The following TRAPPC9 variants were observed in gnomAD, a reference collection of about 807,000 sequenced individuals.
TRAPPC9 encodes trafficking protein particle complex subunit 9.
A neutral mutation model predicts 124.0 loss-of-function variants in TRAPPC9; 83 were observed. The observed-to-expected ratio is 0.67, with a 90% CI of 0.56 to 0.80. The LOEUF (loss-of-function observed/expected upper bound fraction) is 0.80, where lower values mean the gene tolerates loss of function less well. TRAPPC9 is among the 30% of genes least tolerant of loss of function. The pLI is 0.00. For synonymous variants in TRAPPC9, 638 were observed against 617.5 expected, an observed-to-expected ratio of 1.03 and a Z score of -0.49; for missense variants, 1,302 against 1,508.3, an observed-to-expected ratio of 0.86 and a Z score of 2.27.
At chr8:140,370,893 C>T in intron 8 of TRAPPC9, 71 bp downstream of exon 8, 1 of 1,557,858 alleles carries the variant, frequency 6.4e-7, no homozygotes, top group South Asian at 1.1e-5. Context: ...CCACTCAGGG[C>T]AGGGGCTGAA....
chr8:140,248,064 A>T (rs1364585050), intron 16 of TRAPPC9, among the ~76,000 whole-genome samples: 1 of 152,062 alleles, frequency 6.6e-6, no homozygotes, highest in Non-Finnish European at 1.5e-5. Flanking sequence ...TTTGGCCATG[A>T]TCCTTTTCTG....
chr8:140,402,506 C>A (rs2069313523), intron 6 of TRAPPC9, among the ~76,000 whole-genome samples: 2 of 151,704 alleles, frequency 1.3e-5, no homozygotes, highest in Non-Finnish European at 2.9e-5. Context: ...CAAGCCTGGG[C>A]AACATGGTAA....
At chr8:140,315,616 T>C (rs970855886) in intron 9 of TRAPPC9, among the ~76,000 whole-genome samples, 5 of 152,228 alleles carry the variant, frequency 3.3e-5, no homozygotes, top group African/African-American at 1.2e-4. Flanking sequence ...GTTATTACTT[T>C]GGTCAAATGA....
In TRAPPC9 at chr8:140,182,346, C is replaced by T. The variant is rs1303428098; in HGVS notation, c.2556+39113G>A. ...TTTCAACTAAAAAAAAAAAAAAATA[C>T]GGCTTGGGAATGTTGGCTTCCAAAA... On this transcript the variant is annotated intron_variant, in intron 17 of 22. Transcript: ENST00000438773. This position sits in a 1 kb window ranked among gnomAD's most constrained non-coding sequence, Gnocchi z 4.0. 2.7e-5 allele frequency among the ~76,000 whole-genome samples: 4 copies of T among 150,666 alleles called. No homozygotes were observed. Among genetic ancestry groups the T allele is most frequent in the East Asian group, 3.9e-4 (2 of 5,130 alleles).
intron 17 of TRAPPC9, among the ~76,000 whole-genome samples, chr8:140,055,127 G>A (rs575525709): frequency 2.0e-5 from 3 of 152,062 alleles, no homozygotes; most frequent in Admixed American, 2.0e-4. Flanking sequence ...TAACATGGAC[G>A]CAAAAATCAC....
chr8:139,999,499 AG>A (rs1476268043), intron 18 of TRAPPC9, among the ~76,000 whole-genome samples: 1 of 152,246 alleles, frequency 6.6e-6, no homozygotes, highest in African/African-American at 2.4e-5. Context: ...CTCTTCTCTC[AG>A]TAATTGATAG....
Position 139,779,543 on chromosome 8 carries a change from C to T in TRAPPC9, c.3056-47341G>A, listed in dbSNP as rs377228986. ...ATGTATGTATAAATAAAACGTATGA[C>T]GACAATAGTATTAAAGCCCATAGGG... On this transcript the variant is annotated intron_variant, in intron 21 of 22. Coordinates refer to ENST00000438773, the MANE Select transcript of TRAPPC9 (RefSeq NM_001160372.4). Among the ~76,000 whole-genome samples, 69 of 152,020 alleles carry T rather than the reference C, an allele frequency of 4.5e-4. No homozygotes were observed. In the East Asian group the frequency reaches 9.9e-3, roughly 22 times the overall value.
At chr8:140,011,196 T>C (rs1839090470) in intron 18 of TRAPPC9, among the ~76,000 whole-genome samples, 1 of 151,660 alleles carries the variant, frequency 6.6e-6, no homozygotes, top group Non-Finnish European at 1.5e-5. Context: ...AAAAATTAGC[T>C]GGGCGTGGTG....
chr8:140,197,197 GGAGA>G (rs1041605663), intron 17 of TRAPPC9, among the ~76,000 whole-genome samples: 3 of 152,194 alleles, frequency 2.0e-5, no homozygotes, highest in Non-Finnish European at 2.9e-5. Flanking sequence ...ATAGAGAAAA[GGAGA>G]GAGAAGAAAG....
At chr8:139,903,674 C>T (rs1486051417) in intron 20 of TRAPPC9, among the ~76,000 whole-genome samples, 1 of 152,176 alleles carries the variant, frequency 6.6e-6, no homozygotes, top group Non-Finnish European at 1.5e-5. Flanking sequence ...CTCATCACGG[C>T]ACTCGGCATC....
chr8:139,969,342 C>T (rs1835911713), intron 19 of TRAPPC9, among the ~76,000 whole-genome samples: 1 of 152,236 alleles, frequency 6.6e-6, no homozygotes, highest in South Asian at 2.1e-4. Flanking sequence ...GTCTCAAAGC[C>T]ACTGTCCTTT....
At chr8:140,275,583 T>C in intron 15 of TRAPPC9, 75 bp downstream of exon 15, 1 of 1,508,420 alleles carries the variant, frequency 6.6e-7, no homozygotes, top group Non-Finnish European at 9.2e-7. Context: ...CTCTGAAAAC[T>C]GAGAATTTAA....
intron 21 of TRAPPC9, among the ~76,000 whole-genome samples, chr8:139,794,144 G>A (rs527976775): frequency 1.3e-5 from 2 of 152,038 alleles, no homozygotes; most frequent in South Asian, 2.1e-4. Flanking sequence ...CCCCACCCAT[G>A]CGGCTCACGC....
Position 140,287,725 on chromosome 8 carries a change from T to G in TRAPPC9, c.1864A>C (p.Thr622Pro). The G allele has an allele frequency of 6.2e-7, 1 of 1,614,156 alleles. No individual in the cohort carries two copies. The highest frequency in any genetic ancestry group is 1.1e-5 in the South Asian group (1 of 91,080). ...ELRVENMGLL[T>P]SGVEFESLPA... ...AGAGACTCGAACTCCACTCCGCTGG[T>G]GAGCAGCCCCTAAACCAAGCGACGC... The change falls in exon 13 of 23, where the codon ACC becomes CCC. Residue 622 changes from threonine (T) to proline (P), a missense_variant. Transcript: ENST00000438773.
At chr8:140,172,420 A>G in intron 17 of TRAPPC9, among the ~76,000 whole-genome samples, 1 of 114,548 alleles carries the variant, frequency 8.7e-6, no homozygotes, top group Admixed American at 1.0e-4. Context: ...ACCTGTGGGC[A>G]ATGGAGGGGG....
At chr8:139,817,441 G>A (rs1029922166) in intron 21 of TRAPPC9, among the ~76,000 whole-genome samples, 2 of 152,158 alleles carry the variant, frequency 1.3e-5, no homozygotes, top group African/African-American at 4.8e-5. Context: ...TGAACTAGTG[G>A]CAAAGGAGCA....
intron 4 of TRAPPC9, among the ~76,000 whole-genome samples, chr8:140,434,467 C>A (rs1189372008): frequency 6.6e-6 from 1 of 152,148 alleles, no homozygotes; most frequent in African/African-American, 2.4e-5. Context: ...AAACTGCTCC[C>A]AGGCCCTGAA....
intron 19 of TRAPPC9, chr8:139,932,240 A>G: frequency 2.3e-6 from 1 of 439,334 alleles, no homozygotes; most frequent in South Asian, 1.6e-5. Flanking sequence ...TTCGCCGTGC[A>G]GCCGAGGGAG....
chr8:139,968,788 C>A (rs1340121529), intron 19 of TRAPPC9, among the ~76,000 whole-genome samples: 1 of 152,182 alleles, frequency 6.6e-6, no homozygotes, highest in Non-Finnish European at 1.5e-5. Context: ...TGACATCATC[C>A]CCGTTTCACA....
Sources: gnomAD v4.1 joint callset for allele counts (sites outside exome capture counted in the v4.1 genomes callset) on GRCh38, gnomAD v4.1.1 for gene constraint, Gnocchi (gnomAD v3.1) non-coding constraint, MANE v1.5 for transcripts, NCBI Gene and HGNC (gene_info 2026-07-23, HGNC 2026-07-21) for gene names.